The following JAKMIP3 variants were observed in gnomAD, a reference collection of about 807,000 sequenced individuals.
JAKMIP3 encodes the protein Janus kinase and microtubule interacting protein 3, also known as janus kinase and microtubule-interacting protein 3.
Under a neutral mutation model 118.5 loss-of-function variants are expected in JAKMIP3, and 58 were observed. The ratio of observed to expected loss-of-function variants is 0.49; its 90% confidence interval spans 0.40 to 0.61. The LOEUF (loss-of-function observed/expected upper bound fraction) is 0.61. Ranked by LOEUF, JAKMIP3 falls within the 20% of genes least tolerant of loss-of-function variation. JAKMIP3 has a pLI of 0.00. For synonymous variants in JAKMIP3, 486 were observed against 451.2 expected (o/e 1.08, Z -0.98); for missense variants, 950 against 1,109.0 (o/e 0.86, Z 2.04).
intron 20 of JAKMIP3, among the ~76,000 whole-genome samples, chr10:132,164,280 G>A (rs1425493768): frequency 1.3e-5 from 2 of 152,166 alleles, no homozygotes; most frequent in Admixed American, 6.5e-5. Context: ...GACCCCAGGC[G>A]CCAGCATCCC....
chr10:132,134,014 C>T (rs962248355), intron 4 of JAKMIP3, among the ~76,000 whole-genome samples: 1 of 152,254 alleles, frequency 6.6e-6, no homozygotes, highest in African/African-American at 2.4e-5. Context: ...CCCTCCCACC[C>T]GCTTCTCATG....
intron 23 of JAKMIP3, among the ~76,000 whole-genome samples, chr10:132,173,383 T>C (rs1344088744): frequency 2.0e-5 from 3 of 151,238 alleles, no homozygotes; most frequent in Admixed American, 2.0e-4. Flanking sequence ...GCAATGTACC[T>C]GCTCATCTGT....
At chr10:132,136,355 A>AC (rs1249030509) in intron 6 of JAKMIP3, among the ~76,000 whole-genome samples, 1 of 152,188 alleles carries the variant, frequency 6.6e-6, no homozygotes, top group Non-Finnish European at 1.5e-5. Flanking sequence ...AGGGCCTGGA[A>AC]CAGGTGGCCT....
At chr10:132,120,191 G>T (rs1459227740) in intron 3 of JAKMIP3, among the ~76,000 whole-genome samples, 1 of 152,186 alleles carries the variant, frequency 6.6e-6, no homozygotes, top group African/African-American at 2.4e-5. Context: ...ATAGATTTGG[G>T]ACATCTCCTT....
chr10:132,068,178 T>C (rs2039220659), intron 1 of JAKMIP3, among the ~76,000 whole-genome samples: 1 of 150,438 alleles, frequency 6.6e-6, no homozygotes, highest in East Asian at 2.0e-4. Flanking sequence ...CTGCGTGGTC[T>C]GGACTGTGGG....
In JAKMIP3 at chr10:132,176,530, A is replaced by ATCCCC. The variant is rs1450283514; in HGVS notation, c.*1104-5821_*1104-5817dup. 2.6e-5 allele frequency among the ~76,000 whole-genome samples: 4 copies of ATCCCC among 152,104 alleles called. No homozygotes were observed. The East Asian group carries it at 7.8e-4, about 29-fold the overall frequency. ...GACCTCTGACTTCGTGGCCCATCCCATCCCCTCCCCATGAGGGCTTTGTGC... is the reference window on the plus strand; with the variant it reads ...GACCTCTGACTTCGTGGCCCATCCCATCCCCTCCCCTCCCCATGAGGGCTTTGTGC... On this transcript the variant is annotated intron_variant, in intron 23 of 23. Transcript: ENST00000684848.
intron 1 of JAKMIP3, among the ~76,000 whole-genome samples, chr10:132,066,892 G>A (rs576294374): frequency 7.2e-5 from 11 of 152,244 alleles, no homozygotes; most frequent in Non-Finnish European, 1.2e-4. Context: ...AGACTGGCCG[G>A]GAAACCATGC....
intron 3 of JAKMIP3, among the ~76,000 whole-genome samples, chr10:132,127,628 T>C (rs1475006772): frequency 1.3e-5 from 2 of 152,158 alleles, no homozygotes; most frequent in Non-Finnish European, 1.5e-5. Flanking sequence ...TGCTGAGAAT[T>C]TGTGTTCTTC....
rs566078672 is a variant in JAKMIP3, at chr10:132,159,137, T to C, written c.2221-4072T>C. Among the ~76,000 whole-genome samples the C allele has an allele frequency of 5.1e-3, 478 of 93,734 alleles. 3 individuals are homozygous for C. The highest frequency in any genetic ancestry group is 0.025 in the Middle Eastern group (3 of 120). 61.5% of individuals were successfully genotyped at this position (93,734 alleles called of 152,430 possible). Reference sequence around the variant, plus strand: ...CTCTCCCCGTGTGATTCTGGGGGCGTCTCTCCTTGTGTGATGTTGTGGGGG... The same window carrying C: ...CTCTCCCCGTGTGATTCTGGGGGCGCCTCTCCTTGTGTGATGTTGTGGGGG... On this transcript the variant is annotated intron_variant, in intron 19 of 23. Coordinates refer to ENST00000684848, the MANE Select transcript of JAKMIP3 (RefSeq NM_001323087.2).
rs751379099 is a variant in JAKMIP3 at position 132,118,533 on chromosome 10, C to T, written c.633+959C>T. Among the ~76,000 whole-genome samples the T allele has an allele frequency of 6.6e-6, 1 of 152,156 alleles. No homozygotes were observed. Among genetic ancestry groups the T allele is most frequent in the African/African-American group, 2.4e-5 (1 of 41,436 alleles). On this transcript the variant is annotated intron_variant, in intron 3 of 23. Coordinates refer to ENST00000684848, the MANE Select transcript of JAKMIP3 (RefSeq NM_001323087.2). This position sits in a 1 kb window ranked among gnomAD's most constrained non-coding sequence, Gnocchi z 4.8. Reference sequence around the variant, plus strand: ...CCCTCTGCCTGCTTCCCGGGGCCTCCGGTCTCCAGGGATGGCCTCCAGGCT... The same window carrying T: ...CCCTCTGCCTGCTTCCCGGGGCCTCTGGTCTCCAGGGATGGCCTCCAGGCT...
At chr10:132,120,194 A>C (rs1031655813) in intron 3 of JAKMIP3, among the ~76,000 whole-genome samples, 6 of 152,200 alleles carry the variant, frequency 3.9e-5, no homozygotes, top group Non-Finnish European at 4.4e-5. Context: ...GATTTGGGAC[A>C]TCTCCTTTAT....
chr10:132,178,600 G>A (rs985388470), intron 23 of JAKMIP3, among the ~76,000 whole-genome samples: 6 of 152,190 alleles, frequency 3.9e-5, no homozygotes, highest in African/African-American at 7.2e-5. Context: ...TTTGTGGGGC[G>A]GTGTTGGGGA....
intron 19 of JAKMIP3, among the ~76,000 whole-genome samples, chr10:132,155,640 C>T (rs1263109312): frequency 6.6e-6 from 1 of 152,226 alleles, no homozygotes; most frequent in Non-Finnish European, 1.5e-5. Flanking sequence ...CCCAGCTCAG[C>T]TGGTAACCAC....
chr10:132,141,792 C>T, intron 10 of JAKMIP3, 128 bp from the exon 11 acceptor site: 1 of 1,096,896 alleles, frequency 9.1e-7, no homozygotes, highest in Non-Finnish European at 1.3e-6. Flanking sequence ...CCTCATGCTG[C>T]TAGAGAGACC....
At chr10:132,076,033 A>G (rs77401401) in intron 1 of JAKMIP3, among the ~76,000 whole-genome samples, 9,530 of 152,224 alleles carry the variant, frequency 0.063, 485 homozygotes, top group East Asian at 0.27. Flanking sequence ...CATACCACAC[A>G]GTTTGTCCAC....
At chr10:132,095,067 A>G in intron 1 of JAKMIP3, among the ~76,000 whole-genome samples, 1 of 152,000 alleles carries the variant, frequency 6.6e-6, no homozygotes, top group East Asian at 1.9e-4. Flanking sequence ...GGCTGGTCTC[A>G]CTCCCACTGT....
intron 19 of JAKMIP3, among the ~76,000 whole-genome samples, chr10:132,160,847 C>T (rs1242415842): frequency 2.7e-4 from 1 of 3,728 alleles, no homozygotes; most frequent in African/African-American, 4.0e-3. Context: ...TGGTGGGGGT[C>T]TACTTCTATG....
chr10:132,106,910 G>T (rs1358917771), intron 2 of JAKMIP3, among the ~76,000 whole-genome samples: 1 of 152,106 alleles, frequency 6.6e-6, no homozygotes, highest in African/African-American at 2.4e-5. Flanking sequence ...AAAAAACAAA[G>T]TCTTACTCTG....
rs542257584 is a variant in JAKMIP3, at chr10:132,130,922, G to A, written c.634-2390G>A. Among the ~76,000 whole-genome samples, 23 of 151,982 alleles carry A rather than the reference G, an allele frequency of 1.5e-4. No individual in the cohort carries two copies. The East Asian group carries it at 2.5e-3, about 17-fold the overall frequency. On this transcript the variant is annotated intron_variant, in intron 3 of 23. Coordinates refer to ENST00000684848, the MANE Select transcript of JAKMIP3 (RefSeq NM_001323087.2). ...CTCAGGGTTCTGCCTATGGACAGCCGTCACAGGTGGCTGTGATGCTGCATG... is the reference window on the plus strand; with the variant it reads ...CTCAGGGTTCTGCCTATGGACAGCCATCACAGGTGGCTGTGATGCTGCATG...
Sources: gnomAD v4.1 joint callset for allele counts (sites outside exome capture counted in the v4.1 genomes callset) on GRCh38, gnomAD v4.1.1 for gene constraint, Gnocchi (gnomAD v3.1) non-coding constraint, MANE v1.5 for transcripts, NCBI Gene and HGNC (gene_info 2026-07-23, HGNC 2026-07-21) for gene names.